The following SEMA3D variants were observed in gnomAD, a reference collection of about 807,000 sequenced individuals.
SEMA3D encodes the protein semaphorin 3D.
A neutral mutation model predicts 100.1 loss-of-function variants in SEMA3D; 84 were observed. The observed-to-expected ratio is 0.84, with a 90% CI of 0.70 to 1.01. The LOEUF is 1.01. SEMA3D is among the 50% of genes least tolerant of loss of function. SEMA3D has a pLI of 0.00. For synonymous variants in SEMA3D, 312 were observed against 320.7 expected, an observed-to-expected ratio of 0.97 and a Z score of 0.29; for missense variants, 875 against 934.1, an observed-to-expected ratio of 0.94 and a Z score of 0.82.
At chr7:85,025,838 C>T (rs1454136409) in intron 12 of SEMA3D, among the ~76,000 whole-genome samples, 1 of 151,960 alleles carries the variant, frequency 6.6e-6, no homozygotes, top group Non-Finnish European at 1.5e-5. Flanking sequence ...ACAAAGAGGC[C>T]GGGGCAAACA....
At chr7:85,010,544 G>A (rs569012251) in intron 17 of SEMA3D, among the ~76,000 whole-genome samples, 2 of 151,760 alleles carry the variant, frequency 1.3e-5, no homozygotes, top group African/African-American at 2.4e-5. Flanking sequence ...GCTTGGCCAT[G>A]AGCCAGAAGG....
intron 1 of SEMA3D, among the ~76,000 whole-genome samples, chr7:85,186,188 G>A (rs914374796): frequency 6.6e-6 from 1 of 152,150 alleles, no homozygotes; most frequent in African/African-American, 2.4e-5. Flanking sequence ...GCGAGCGAGG[G>A]CGCAGATGCC....
At chr7:85,078,290 A>T (rs1371863730) in intron 5 of SEMA3D, among the ~76,000 whole-genome samples, 1 of 146,750 alleles carries the variant, frequency 6.8e-6, no homozygotes, top group Non-Finnish European at 1.5e-5. Context: ...AAAAAGGAAG[A>T]AAAAAAGAAA....
intron 9 of SEMA3D, among the ~76,000 whole-genome samples, chr7:85,049,380 T>G (rs1427703980): frequency 6.6e-6 from 1 of 151,780 alleles, no homozygotes; most frequent in Non-Finnish European, 1.5e-5. Flanking sequence ...TCATAAAAAT[T>G]ATTGGAAATA....
chr7:85,198,792 A>G, the SEMA3D span, among the ~76,000 whole-genome samples: 1 of 124,000 alleles, frequency 8.1e-6, no homozygotes, highest in Non-Finnish European at 1.8e-5. Flanking sequence ...TTTAAAATTT[A>G]TTAACATTTT....
At chr7:85,154,521 C>T (rs1232137779) in intron 1 of SEMA3D, among the ~76,000 whole-genome samples, 3 of 152,010 alleles carry the variant, frequency 2.0e-5, no homozygotes, top group Admixed American at 2.0e-4. Flanking sequence ...TGTACCAAGG[C>T]TGACCAGACA....
the SEMA3D span, among the ~76,000 whole-genome samples, chr7:85,231,588 C>T: frequency 1.3e-5 from 2 of 151,906 alleles, no homozygotes; most frequent in Non-Finnish European, 2.9e-5. Context: ...GTGGCTGGGA[C>T]TACAGGCGTC....
chr7:85,184,739 C>T (rs1034406210), intron 1 of SEMA3D, among the ~76,000 whole-genome samples: 1 of 152,164 alleles, frequency 6.6e-6, no homozygotes, highest in African/African-American at 2.4e-5. Flanking sequence ...TTATCTCGTC[C>T]CACATCACCT....
At position 84,998,263 on chromosome 7, in the gene SEMA3D, T is replaced by C. The variant is rs1163792288; in HGVS notation, c.*1177A>G. 2 of 152,100 alleles carry C rather than the reference T, an allele frequency of 1.3e-5. No individual in the cohort carries two copies. The highest frequency in any genetic ancestry group is 4.8e-5 in the African/African-American group (2 of 41,430). The allele number at this position is 152,100 out of a possible 1,614,324, so 9.4% of individuals were successfully genotyped here. On this transcript the variant is annotated 3_prime_UTR_variant, in exon 19 of 19. Coordinates refer to ENST00000284136, the MANE Select transcript of SEMA3D (RefSeq NM_001384900.1). ...TCAAATATAATCACAAAATCCAATATACAGGAGAGAATAAAGGCAGTAAAA... is the reference window on the plus strand; with the variant it reads ...TCAAATATAATCACAAAATCCAATACACAGGAGAGAATAAAGGCAGTAAAA...
At chr7:85,020,971 C>A (rs929736912) in intron 13 of SEMA3D, among the ~76,000 whole-genome samples, 4 of 151,136 alleles carry the variant, frequency 2.6e-5, no homozygotes, top group Non-Finnish European at 5.9e-5. Flanking sequence ...TTAAATACAT[C>A]ATCTTACATT....
At chr7:85,013,511 A>G (rs1445792880) in intron 16 of SEMA3D, among the ~76,000 whole-genome samples, 2 of 151,730 alleles carry the variant, frequency 1.3e-5, no homozygotes, top group Non-Finnish European at 2.9e-5. Context: ...TAATTATTTT[A>G]TTAAAAAAAA....
At chr7:85,122,223 C>T (rs531262472) in intron 2 of SEMA3D, among the ~76,000 whole-genome samples, 5 of 112,094 alleles carry the variant, frequency 4.5e-5, no homozygotes, top group East Asian at 2.3e-4. Context: ...TATCCCAGAA[C>T]TTAAAGTACA....
At chr7:85,204,941 A>C in the SEMA3D span, among the ~76,000 whole-genome samples, 1 of 152,142 alleles carries the variant, frequency 6.6e-6, no homozygotes, top group Non-Finnish European at 1.5e-5. Flanking sequence ...TAGAGAAAAA[A>C]TTAAAGCATA....
intron 2 of SEMA3D, among the ~76,000 whole-genome samples, chr7:85,128,880 T>C (rs1393136482): frequency 8.1e-6 from 1 of 124,188 alleles, no homozygotes; most frequent in Non-Finnish European, 1.6e-5. Context: ...TATATATTTT[T>C]TTCCTTTTTT....
At chr7:85,231,511 G>C in the SEMA3D span, among the ~76,000 whole-genome samples, 352 of 144,806 alleles carry the variant, frequency 2.4e-3, 2 homozygotes, top group African/African-American at 6.3e-3. Context: ...GCAGTAGTGG[G>C]GCGATCTCGG....
At chr7:85,164,746 A>G (rs1398877433) in intron 1 of SEMA3D, among the ~76,000 whole-genome samples, 1 of 152,126 alleles carries the variant, frequency 6.6e-6, no homozygotes, top group Non-Finnish European at 1.5e-5. Context: ...TTGTCTGGAT[A>G]ATGTTGACAG....
chr7:85,140,024 A>T (rs770440121), intron 2 of SEMA3D: 60 of 504,268 alleles, frequency 1.2e-4, no homozygotes, highest in Non-Finnish European at 1.5e-4. Context: ...AATTAGATAA[A>T]CTTGTTGCAT....
rs369967102 is a variant in SEMA3D, at chr7:85,176,793, T to G, written c.-173+9885A>C. 6.9e-3 allele frequency among the ~76,000 whole-genome samples: 1,028 copies of G among 149,960 alleles called. 6 individuals carry two copies. Among genetic ancestry groups the G allele is most frequent in the East Asian group, 0.011 (58 of 5,074 alleles). On this transcript the variant is annotated intron_variant, in intron 1 of 18. Transcript: ENST00000284136. ...GTGTATTTGTATACATATATATATA[T>G]AGAGAGAGAGAGAGAGAGAGAGAAT...
upstream of SEMA3D, among the ~76,000 whole-genome samples, chr7:85,187,879 G>A (rs538058478): frequency 6.6e-6 from 1 of 152,276 alleles, no homozygotes; most frequent in Non-Finnish European, 1.5e-5. Flanking sequence ...AGCCCTGTAC[G>A]TTAGGCATTT....
Sources: gnomAD v4.1 joint callset for allele counts (sites outside exome capture counted in the v4.1 genomes callset) on GRCh38, gnomAD v4.1.1 for gene constraint, MANE v1.5 for transcripts, NCBI Gene and HGNC (gene_info 2026-07-23, HGNC 2026-07-21) for gene names.